The following MTR variants were observed in gnomAD, a reference collection of about 807,000 sequenced individuals.
MTR encodes methionine synthase.
Under a neutral mutation model 154.8 loss-of-function variants are expected in MTR, and 84 were observed. That is an observed-to-expected ratio of 0.54 (90% CI 0.45 to 0.65). MTR has a LOEUF of 0.65. Ranked by LOEUF, MTR falls within the 30% of genes least tolerant of loss-of-function variation. The pLI, the probability that MTR is intolerant of heterozygous loss-of-function variation, is 0.00. For synonymous variants in MTR, 554 were observed against 553.9 expected, an observed-to-expected ratio of 1.00 and a Z score of 0.00; for missense variants, 1,275 against 1,570.2, an observed-to-expected ratio of 0.81 and a Z score of 3.18.
At chr1:236,841,552 G>C (rs1284951786) in intron 15 of MTR, among the ~76,000 whole-genome samples, 1 of 152,084 alleles carries the variant, frequency 6.6e-6, no homozygotes, top group East Asian at 1.9e-4. Context: ...CAGCTGCACA[G>C]CTGTGACTGC....
chr1:236,826,610 A>C (rs1279328208), intron 10 of MTR, among the ~76,000 whole-genome samples: 2 of 152,200 alleles, frequency 1.3e-5, no homozygotes, highest in Non-Finnish European at 2.9e-5. Flanking sequence ...ACTGCATTTT[A>C]AATGGTATAA....
At chr1:236,799,791 GT>G (rs944205554) in intron 1 of MTR, among the ~76,000 whole-genome samples, 10 of 149,320 alleles carry the variant, frequency 6.7e-5, no homozygotes, top group Non-Finnish European at 7.5e-5. Flanking sequence ...AATTCATTGT[GT>G]TTTTTTTTTT....
chr1:236,892,385 G>A (rs1666377003), intron 29 of MTR, among the ~76,000 whole-genome samples: 1 of 152,116 alleles, frequency 6.6e-6, no homozygotes, highest in Non-Finnish European at 1.5e-5. Context: ...GGGAGGATGA[G>A]GCGGGAGGAT....
intron 16 of MTR, 59 bp from the exon 17 acceptor site, chr1:236,852,462 T>G (rs1663964337): frequency 1.7e-6 from 2 of 1,204,760 alleles, no homozygotes; most frequent in East Asian, 2.3e-5. Flanking sequence ...GCTTAAGAGA[T>G]GTGATTGCTG....
rs58179715 is a variant in MTR at position 236,844,453 on chromosome 1, C to CGT, written c.1516-5842_1516-5841dup. 1.5e-3 allele frequency among the ~76,000 whole-genome samples: 218 copies of CGT among 145,450 alleles called. 2 individuals carry two copies. The highest frequency in any genetic ancestry group is 3.5e-3 in the Middle Eastern group (1 of 286). ...GGGGAAATACGAGGTTCAGAAAGGG[C>CGT]GTGTGTGTGTGTGTGTGTGTGTGTG... is the stretch of plus-strand genomic sequence containing the variant. On this transcript the variant is annotated intron_variant, in intron 15 of 32. Coordinates refer to ENST00000366577, the MANE Select transcript of MTR (RefSeq NM_000254.3).
At position 236,894,463 on chromosome 1, in the gene MTR, G is replaced by T. The variant is rs773004758; in HGVS notation, c.3311G>T (p.Cys1104Phe). The change falls in exon 30 of 33, where the codon TGC becomes TTC. Residue 1104 changes from cysteine to phenylalanine, a missense_variant. Physicochemically the swap from Cys to Phe is radical, Grantham distance 205. Transcript: ENST00000366577. ...RDYLGLFAVA[C>F]FGVEELSKAY... ...TACCTGGGCCTGTTTGCCGTTGCCT[G>T]CTTTGGGGTAGAAGAGCTGAGCAAG... 3 of 1,614,200 alleles carry T rather than the reference G, an allele frequency of 1.9e-6. No individual in the cohort carries two copies. The highest frequency in any genetic ancestry group is 2.5e-6 in the Non-Finnish European group (3 of 1,180,034).
At chr1:236,860,071 C>CCG in intron 19 of MTR, 149 bp downstream of exon 19, 1 of 1,564 alleles carries the variant, frequency 6.4e-4, no homozygotes, top group Non-Finnish European at 2.5e-3. Context: ...CCCCAGCTGC[C>CCG]CCCCCCCCCC....
intron 1 of MTR, among the ~76,000 whole-genome samples, chr1:236,797,254 C>G (rs1660446545): frequency 6.6e-6 from 1 of 152,094 alleles, no homozygotes; most frequent in East Asian, 1.9e-4. Context: ...TCCTAATAAC[C>G]CTTAGTAATT....
intron 8 of MTR, among the ~76,000 whole-genome samples, chr1:236,823,796 CTTTTTTTTTTTTTT>C (rs59710180): frequency 0.015 from 278 of 18,438 alleles, 6 homozygotes; most frequent in Middle Eastern, 0.042. Flanking sequence ...CAGGTCAGAT[CTTTTTTTTTTTTTT>C]TTTTTTTTTT....
rs931137085 is a variant in MTR, at chr1:236,900,170, G to C, written c.*2526G>C. 1.5e-5 allele frequency: 6 copies of C among 407,784 alleles called. No homozygotes were observed. Among genetic ancestry groups the C allele is most frequent in the Non-Finnish European group, 2.5e-5 (5 of 203,602 alleles). 25.3% of individuals were successfully genotyped at this position (407,784 alleles called of 1,614,324 possible). On this transcript the variant is annotated 3_prime_UTR_variant, in exon 33 of 33. Coordinates refer to ENST00000366577, the MANE Select transcript of MTR (RefSeq NM_000254.3). ...ACTGGAAAAAGTGAAATGTATGTCTGTCTACAGGAAAATAGGTGAATAATT... is the reference window on the plus strand; with the variant it reads ...ACTGGAAAAAGTGAAATGTATGTCTCTCTACAGGAAAATAGGTGAATAATT...
At chr1:236,820,366 G>T in intron 8 of MTR, 1 of 772,698 alleles carries the variant, frequency 1.3e-6, no homozygotes, top group South Asian at 1.3e-5. Context: ...TCGGCCTGAG[G>T]TTGCAGATTG....
chr1:236,877,687 A>G (rs1007468060), intron 24 of MTR, among the ~76,000 whole-genome samples: 11 of 152,144 alleles, frequency 7.2e-5, no homozygotes, highest in African/African-American at 1.9e-4. Context: ...ATCACAAACA[A>G]TGCTGCTATG....
intron 15 of MTR, among the ~76,000 whole-genome samples, chr1:236,849,129 T>C (rs1436997296): frequency 6.6e-6 from 1 of 152,248 alleles, no homozygotes; most frequent in Non-Finnish European, 1.5e-5. Flanking sequence ...TAATTCAGGA[T>C]GTAATTTGGT....
At chr1:236,872,480 G>A (rs529328037) in intron 22 of MTR, among the ~76,000 whole-genome samples, 1 of 152,118 alleles carries the variant, frequency 6.6e-6, no homozygotes, top group Non-Finnish European at 1.5e-5. Context: ...TGGCTTCCAA[G>A]TTCAACAGGT....
At chr1:236,873,668 G>T in intron 22 of MTR, 105 bp from the exon 23 acceptor site, 2 of 928,578 alleles carry the variant, frequency 2.2e-6, no homozygotes, top group Non-Finnish European at 3.5e-6. Context: ...CTTGATTCTC[G>T]TTTACATTAG....
intron 22 of MTR, 109 bp from the exon 23 acceptor site, chr1:236,873,664 T>G: frequency 1.1e-6 from 1 of 893,380 alleles, no homozygotes; most frequent in Admixed American, 1.9e-5. Flanking sequence ...TCAACTTGAT[T>G]CTCGTTTACA....
chr1:236,858,075 A>G (rs1664304636), intron 18 of MTR, among the ~76,000 whole-genome samples: 1 of 152,172 alleles, frequency 6.6e-6, no homozygotes, highest in Non-Finnish European at 1.5e-5. Flanking sequence ...GGATGGCTGA[A>G]GCTTGTCGGG....
At chr1:236,885,072 C>T (rs1159781118) in intron 25 of MTR, 49 bp from the exon 26 acceptor site, 16 of 1,158,372 alleles carry the variant, frequency 1.4e-5, no homozygotes, top group Non-Finnish European at 1.8e-5. Flanking sequence ...ACCATTACTA[C>T]ACCAGTTTTA....
intron 24 of MTR, among the ~76,000 whole-genome samples, chr1:236,878,449 C>A (rs1161153397): frequency 1.3e-5 from 2 of 152,030 alleles, no homozygotes; most frequent in Admixed American, 1.3e-4. Context: ...CAGTGACTTG[C>A]AGTAGCGTGA....
Sources: gnomAD v4.1 joint callset for allele counts (sites outside exome capture counted in the v4.1 genomes callset) on GRCh38, gnomAD v4.1.1 for gene constraint, MANE v1.5 for transcripts, NCBI Gene and HGNC (gene_info 2026-07-23, HGNC 2026-07-21) for gene names.